RPL11: variants seen among roughly 807,000 people sequenced by gnomAD.
RPL11 encodes ribosomal protein L11.
In RPL11, 3 loss-of-function variants were observed where a neutral mutation model predicts 24.1. The observed-to-expected ratio is 0.12, with a 90% CI of 0.06 to 0.32. RPL11 has a LOEUF of 0.32. Ranked by LOEUF, RPL11 falls within the 10% of genes least tolerant of loss-of-function variation. The probability of loss-of-function intolerance (pLI) is 1.00; values close to 1 mark genes in which losing one functional copy is unlikely to be tolerated. For synonymous variants in RPL11, 96 were observed against 75.7 expected (o/e 1.27, Z -1.39); for missense variants, 146 against 225.7 (o/e 0.65, Z 2.26).
At chr1:23,694,922 C>T (rs1644524251) in intron 4 of RPL11, 131 bp downstream of exon 4, 20 of 1,434,358 alleles carry the variant, frequency 1.4e-5, no homozygotes, top group Non-Finnish European at 1.8e-5. Flanking sequence ...TTCTCCTCCC[C>T]CTTGGGGAAA....
intron 2 of RPL11, 93 bp from the exon 3 acceptor site, chr1:23,693,714 G>A (rs1644515934): frequency 7.2e-6 from 6 of 835,488 alleles, no homozygotes; most frequent in East Asian, 5.1e-5. Context: ...AATGCTTAAT[G>A]TCTCTTTAAG....
chr1:23,696,071 A>G (rs1018002665), intron 5 of RPL11, 163 bp downstream of exon 5: 1 of 783,188 alleles, frequency 1.3e-6, no homozygotes, highest in Admixed American at 2.0e-5. Context: ...ATGGTTTAAA[A>G]GAACATCCAG....
chr1:23,694,948 G>T (rs887235914), intron 4 of RPL11, 157 bp downstream of exon 4: 7 of 1,122,756 alleles, frequency 6.2e-6, no homozygotes. Flanking sequence ...CTCATTTGTG[G>T]CAAATGTAGG....
intron 3 of RPL11, among the ~76,000 whole-genome samples, chr1:23,694,399 A>T (rs1570568018): frequency 6.6e-6 from 1 of 150,546 alleles, no homozygotes; most frequent in South Asian, 2.1e-4. Context: ...AAGAAAAAGG[A>T]TGCTTGGGAG....
intron 4 of RPL11, chr1:23,695,577 G>A (rs1644528319): frequency 1.2e-5 from 7 of 589,044 alleles, no homozygotes; most frequent in Admixed American, 1.0e-4. Context: ...GCTGGGTTAG[G>A]GGGGTGCTGA....
rs1345278187 is a variant in RPL11 at position 23,695,852 on chromosome 1, A to G, written c.451A>G (p.Ile151Val). The change falls in exon 5 of 6, where the codon ATT becomes GTT. Residue 151 changes from isoleucine to valine, a missense_variant. Physicochemically the swap from Ile to Val is conservative, Grantham distance 29. Coordinates refer to ENST00000643754, the MANE Select transcript of RPL11 (RefSeq NM_000975.5). ...IADKKRRTGC[I>V]GAKHRISKEE... ...AGACAAGAAGCGCAGGACAGGCTGCATTGGGGCCAAACACAGAATCAGCAA... is the reference window on the plus strand; with the variant it reads ...AGACAAGAAGCGCAGGACAGGCTGCGTTGGGGCCAAACACAGAATCAGCAA... 1 of 1,601,042 alleles carries G rather than the reference A, an allele frequency of 6.2e-7. No homozygotes were observed. The highest frequency in any genetic ancestry group is 8.5e-7 in the Non-Finnish European group (1 of 1,174,016).
rs1644535396 is a variant in RPL11 at position 23,696,791 on chromosome 1, C to T, written c.*418C>T. The T allele has an allele frequency of 3.8e-6, 1 of 266,542 alleles. No individual in the cohort carries two copies. The highest frequency in any genetic ancestry group is 9.3e-5 in the East Asian group (1 of 10,776). 16.5% of individuals were successfully genotyped at this position (266,542 alleles called of 1,614,324 possible). ...GCATTGATGCGTCATGAAGGAATGACAGGCTTTGGTGTGATGGTTGAGATT... is the reference window on the plus strand; with the variant it reads ...GCATTGATGCGTCATGAAGGAATGATAGGCTTTGGTGTGATGGTTGAGATT... On this transcript the variant is annotated 3_prime_UTR_variant, in exon 6 of 6. Transcript: ENST00000643754.
intron 4 of RPL11, chr1:23,695,427 A>AAT (rs763653329): frequency 9.9e-5 from 30 of 302,500 alleles, no homozygotes; most frequent in Non-Finnish European, 1.4e-4. Context: ...GAAGGAAGAA[A>AAT]ATATATATAT....
At chr1:23,691,785 C>T (rs775681634), upstream of RPL11, 20 of 1,613,736 alleles carry the variant, frequency 1.2e-5, no homozygotes, top group Non-Finnish European at 1.7e-5. Context: ...CCATAAGGCC[C>T]TCGGCCGGAA....
intron 2 of RPL11, 125 bp from the exon 3 acceptor site, chr1:23,693,682 A>T: frequency 1.4e-6 from 1 of 718,630 alleles, no homozygotes; most frequent in Non-Finnish European, 2.5e-6. Flanking sequence ...TTAGAACACC[A>T]CAACTTAAAA....
At chr1:23,694,132 T>C (rs2124430428) in intron 3 of RPL11, among the ~76,000 whole-genome samples, 1 of 152,184 alleles carries the variant, frequency 6.6e-6, no homozygotes, top group South Asian at 2.1e-4. Flanking sequence ...TCCCAACACT[T>C]TGGGAGGCCA....
chr1:23,692,029 C>T, intron 1 of RPL11, 200 bp downstream of exon 1: 1 of 725,586 alleles, frequency 1.4e-6, no homozygotes, highest in South Asian at 1.7e-5. Flanking sequence ...AGGAGCGGCT[C>T]CGGGCACTTG....
chr1:23,692,769 C>T lies in RPL11; in HGVS notation c.157+10C>T. Reference sequence around the variant, plus strand: ...CCTGTGTTTTCCAAAGGTGAGTAGTCACAAGGACATACAGGGTTTGCCTGC... The same window carrying T: ...CCTGTGTTTTCCAAAGGTGAGTAGTTACAAGGACATACAGGGTTTGCCTGC... On this transcript the variant is annotated intron_variant, in intron 2 of 5. Transcript: ENST00000643754. 6.2e-7 allele frequency: 1 copy of T among 1,612,998 alleles called. No individual in the cohort carries two copies. The highest frequency in any genetic ancestry group is 8.5e-7 in the Non-Finnish European group (1 of 1,179,888).
chr1:23,692,026 GCTCC>G, intron 1 of RPL11, 197 bp downstream of exon 1: 1 of 743,638 alleles, frequency 1.3e-6, no homozygotes, highest in Non-Finnish European at 2.2e-6. Context: ...TTTAGGAGCG[GCTCC>G]GGGCACTTGC....
intron 1 of RPL11, chr1:23,692,342 C>A (rs1204175656): frequency 8.4e-6 from 4 of 474,862 alleles, no homozygotes; most frequent in South Asian, 4.4e-5. Context: ...TACCCTGAGC[C>A]TCTTAGGGTT....
chr1:23,692,518 A>G, intron 1 of RPL11, 91 bp from the exon 2 acceptor site: 1 of 1,531,492 alleles, frequency 6.5e-7, no homozygotes, highest in Admixed American at 1.7e-5. Context: ...ATTTGGGATG[A>G]GCAGAAATAA....
intron 4 of RPL11, chr1:23,695,467 C>A (rs1644527749): frequency 1.6e-5 from 6 of 365,704 alleles, no homozygotes; most frequent in South Asian, 1.5e-4. Context: ...ATGTTTTCTA[C>A]ACTGCTGGTG....
At chr1:23,692,077 G>A (rs553384119) in intron 1 of RPL11, 3 of 597,546 alleles carry the variant, frequency 5.0e-6, no homozygotes, top group African/African-American at 1.9e-5. Flanking sequence ...AGGCTGCAGC[G>A]GGGGCAGATG....
intron 5 of RPL11, 71 bp downstream of exon 5, chr1:23,695,979 C>T: frequency 2.9e-6 from 4 of 1,383,228 alleles, no homozygotes; most frequent in East Asian, 2.5e-5. Flanking sequence ...TTTGGGGATG[C>T]AAAATATAGT....
Sources: gnomAD v4.1 joint callset for allele counts (sites outside exome capture counted in the v4.1 genomes callset) on GRCh38, gnomAD v4.1.1 for gene constraint, MANE v1.5 for transcripts, NCBI Gene and HGNC (gene_info 2026-07-23, HGNC 2026-07-21) for gene names.